The following PPARGC1A variants were observed in gnomAD, a reference collection of about 807,000 sequenced individuals.
PPARGC1A encodes the protein peroxisome proliferator-activated receptor gamma coactivator 1-alpha.
PPARGC1A carries 25 observed loss-of-function variants against 88.7 expected under a neutral mutation model. The observed-to-expected ratio is 0.28, with a 90% CI of 0.21 to 0.39. PPARGC1A has a LOEUF of 0.39. Ranked by LOEUF, PPARGC1A falls within the 10% of genes least tolerant of loss-of-function variation. PPARGC1A has a pLI of 1.00. For synonymous variants in PPARGC1A, 363 were observed against 355.6 expected (o/e 1.02, Z -0.24); for missense variants, 880 against 968.7 (o/e 0.91, Z 1.22).
chr4:23,894,871 C>T (rs1718341416), upstream of PPARGC1A, among the ~76,000 whole-genome samples: 1 of 151,978 alleles, frequency 6.6e-6, no homozygotes, highest in African/African-American at 2.4e-5. Context: ...TTTGTGAATC[C>T]ACATTTTCAT....
the PPARGC1A span, among the ~76,000 whole-genome samples, chr4:23,947,123 A>G: frequency 6.6e-6 from 1 of 151,946 alleles, no homozygotes; most frequent in South Asian, 2.1e-4. Context: ...ACTGGGAGCA[A>G]TCACCTCACT....
the PPARGC1A span, among the ~76,000 whole-genome samples, chr4:24,333,692 G>C: frequency 1.3e-5 from 2 of 152,054 alleles, no homozygotes; most frequent in Non-Finnish European, 2.9e-5. Flanking sequence ...CCAGCACTTT[G>C]GGAGGCCAAG....
At chr4:24,217,593 A>G in the PPARGC1A span, among the ~76,000 whole-genome samples, 263 of 152,286 alleles carry the variant, frequency 1.7e-3, 3 homozygotes, top group African/African-American at 6.0e-3. Context: ...ACCTGAGGTC[A>G]GGAGTTCAAG....
chr4:24,339,584 T>C, the PPARGC1A span, among the ~76,000 whole-genome samples: 3 of 152,184 alleles, frequency 2.0e-5, no homozygotes, highest in African/African-American at 7.2e-5. Context: ...TGTGGATCCA[T>C]GCATACTATG....
chr4:24,194,441 G>C, the PPARGC1A span, among the ~76,000 whole-genome samples: 2 of 152,066 alleles, frequency 1.3e-5, no homozygotes, highest in African/African-American at 4.8e-5. Flanking sequence ...CACTGTCCTT[G>C]TGCTTTCTCT....
chr4:24,059,344 C>T, the PPARGC1A span, among the ~76,000 whole-genome samples: 1 of 152,182 alleles, frequency 6.6e-6, no homozygotes, highest in Non-Finnish European at 1.5e-5. Flanking sequence ...CCCAAAGTAT[C>T]ATTTGTTTAG....
chr4:24,387,870 A>G, the PPARGC1A span, among the ~76,000 whole-genome samples: 21 of 79,490 alleles, frequency 2.6e-4, 1 homozygote, highest in South Asian at 4.8e-4. Flanking sequence ...GAGAGAAAGG[A>G]AGAAAGAGAA....
the PPARGC1A span, among the ~76,000 whole-genome samples, chr4:24,278,583 C>A: frequency 3.9e-5 from 6 of 152,140 alleles, no homozygotes; most frequent in Admixed American, 3.9e-4. Flanking sequence ...TGCACACAGG[C>A]TCAGTCCCTT....
chr4:24,282,755 C>T, the PPARGC1A span, among the ~76,000 whole-genome samples: 1 of 152,364 alleles, frequency 6.6e-6, no homozygotes, highest in East Asian at 1.9e-4. Flanking sequence ...AAAACTTTTA[C>T]CTTTTTTTCC....
the PPARGC1A span, among the ~76,000 whole-genome samples, chr4:24,432,505 G>T: frequency 6.6e-6 from 1 of 152,180 alleles, no homozygotes; most frequent in Admixed American, 6.5e-5. Flanking sequence ...CAATCAGCAT[G>T]GTCATGGAAC....
chr4:24,326,233 G>A, the PPARGC1A span, among the ~76,000 whole-genome samples: 1 of 152,090 alleles, frequency 6.6e-6, no homozygotes, highest in South Asian at 2.1e-4. Flanking sequence ...AAGGATTAAA[G>A]CCTGTTATCA....
At chr4:24,387,884 A>AAG in the PPARGC1A span, among the ~76,000 whole-genome samples, 4 of 124,390 alleles carry the variant, frequency 3.2e-5, no homozygotes, top group African/African-American at 1.3e-4. Context: ...AAGAGAAAGA[A>AAG]AGAAAGAAAG....
At chr4:24,445,899 C>T in the PPARGC1A span, among the ~76,000 whole-genome samples, 5 of 152,074 alleles carry the variant, frequency 3.3e-5, no homozygotes, top group African/African-American at 1.2e-4. Context: ...GAAACCCTGT[C>T]TCTACTAAAA....
chr4:24,405,026 TG>T, the PPARGC1A span, among the ~76,000 whole-genome samples: 1 of 152,324 alleles, frequency 6.6e-6, no homozygotes, highest in African/African-American at 2.4e-5. Flanking sequence ...ATCTGCATAA[TG>T]GACTTAATGA....
intron 2 of PPARGC1A, among the ~76,000 whole-genome samples, chr4:23,870,339 T>A (rs1713030583): frequency 6.6e-6 from 1 of 152,244 alleles, no homozygotes; most frequent in Non-Finnish European, 1.5e-5. Context: ...TTGGTAGCAC[T>A]GTCTGGTATT....
the PPARGC1A span, among the ~76,000 whole-genome samples, chr4:24,289,586 G>A: frequency 8.3e-4 from 127 of 152,232 alleles, no homozygotes; most frequent in African/African-American, 3.0e-3. Flanking sequence ...CTAACTCCTG[G>A]GATGAGAGGT....
At chr4:24,187,890 C>T in the PPARGC1A span, among the ~76,000 whole-genome samples, 1 of 152,130 alleles carries the variant, frequency 6.6e-6, no homozygotes, top group Non-Finnish European at 1.5e-5. Context: ...ACGAGAATAA[C>T]ATGAGGGATC....
At chr4:23,975,489 T>C in the PPARGC1A span, among the ~76,000 whole-genome samples, 1 of 151,994 alleles carries the variant, frequency 6.6e-6, no homozygotes, top group Non-Finnish European at 1.5e-5. Flanking sequence ...GCAATCTCCA[T>C]TCACTGCAAC....
At chr4:24,170,526 T>G in the PPARGC1A span, among the ~76,000 whole-genome samples, 1 of 152,190 alleles carries the variant, frequency 6.6e-6, no homozygotes, top group Non-Finnish European at 1.5e-5. Context: ...AGACTCTAGT[T>G]GGTGAAATGA....
Sources: gnomAD v4.1 joint callset for allele counts (sites outside exome capture counted in the v4.1 genomes callset) on GRCh38, gnomAD v4.1.1 for gene constraint, MANE v1.5 for transcripts, NCBI Gene and HGNC (gene_info 2026-07-23, HGNC 2026-07-21) for gene names.